The following MKRN1 variants were observed in gnomAD, a reference collection of about 807,000 sequenced individuals.
MKRN1 encodes makorin ring finger protein 1.
A neutral mutation model predicts 55.5 loss-of-function variants in MKRN1; 9 were observed. The observed-to-expected ratio is 0.16, with a 90% CI of 0.10 to 0.28. The LOEUF is 0.28. MKRN1 is among the 10% of genes least tolerant of loss of function. The pLI is 1.00. For synonymous variants in MKRN1, 253 were observed against 235.9 expected (o/e 1.07, Z -0.66); for missense variants, 488 against 626.7 (o/e 0.78, Z 2.36).
intron 4 of MKRN1, 195 bp from the exon 5 acceptor site, chr7:140,457,061 G>A (rs1794486550): frequency 1.6e-6 from 1 of 621,000 alleles, no homozygotes; most frequent in South Asian, 2.1e-5. Flanking sequence ...TGTTTTTGCG[G>A]TGGTACTTAA....
In MKRN1 at chr7:140,479,292, G is replaced by C. The variant is rs199946433; in HGVS notation, c.53C>G (p.Ala18Gly). 1.4e-3 allele frequency: 1,902 copies of C among 1,378,972 alleles called. 8 individuals carry two copies. Among genetic ancestry groups the C allele is most frequent in the East Asian group, 0.011 (365 of 32,718 alleles). 85.4% of individuals were successfully genotyped at this position (1,378,972 alleles called of 1,614,324 possible). A position where few individuals can be genotyped will look rare whatever the true frequency, so the allele number is the denominator to read the frequency against. ...GGCTGCTGCCGCCGTCGCCGCTGCC[G>C]CTCCTGCTCCTGATGTTGTGGCTGT... ...GTTATTSGAG[A>G]AAATAAAASP... The change falls in exon 1 of 8, where the codon GCG becomes GGG. Residue 18 changes from alanine (A) to glycine (G), a missense_variant. By Grantham distance (60) the Ala-to-Gly change is moderately conservative. This residue lies in a region of MKRN1 where 210 missense variants were observed against 220.0 expected (regional missense o/e 0.95). Coordinates refer to ENST00000255977, the MANE Select transcript of MKRN1 (RefSeq NM_013446.4).
chr7:140,462,372 A>C (rs1794647326), intron 2 of MKRN1, among the ~76,000 whole-genome samples: 1 of 152,196 alleles, frequency 6.6e-6, no homozygotes, highest in African/African-American at 2.4e-5. Flanking sequence ...AGTAAATTTA[A>C]CTGTGCTACA....
At chr7:140,465,426 TTGCACCAC>T (rs1465298659) in intron 2 of MKRN1, among the ~76,000 whole-genome samples, 1 of 151,574 alleles carries the variant, frequency 6.6e-6, no homozygotes, top group Admixed American at 6.6e-5. Flanking sequence ...GGTTGTGACA[TTGCACCAC>T]TGCACTCTAG....
In MKRN1 at chr7:140,453,363, A is replaced by AC. The variant is rs1341541194; in HGVS notation, c.*1153dup. The AC allele has an allele frequency of 5.2e-5, 8 of 152,584 alleles. No homozygotes were observed. The highest frequency in any genetic ancestry group is 8.8e-5 in the Non-Finnish European group (6 of 68,038). The allele number at this position is 152,584 out of a possible 1,614,324, so 9.5% of individuals were successfully genotyped here. On this transcript the variant is annotated 3_prime_UTR_variant, in exon 8 of 8. Coordinates refer to ENST00000255977, the MANE Select transcript of MKRN1 (RefSeq NM_013446.4). ...CTTATCACTGCAAACCCATTACTCC[A>AC]CTACAATAAACACCTTAGAACAGAG... is the stretch of plus-strand genomic sequence containing the variant.
At position 140,454,591 on chromosome 7, in the gene MKRN1, C is replaced by T. The variant is rs1350903351; in HGVS notation, c.1375G>A (p.Glu459Lys). Residue 459 changes from glutamate to lysine, a missense_variant, in exon 8 of 8, where the codon GAA (glutamate) becomes AAA (lysine). Transcript: ENST00000255977. Reference sequence around the variant, plus strand: ...CACTCATCTTCAGAGTCTGTTAGTTCGTCGTCCCCACCTGCAGCCAAAAGC... The same window carrying T: ...CACTCATCTTCAGAGTCTGTTAGTTTGTCGTCCCCACCTGCAGCCAAAAGC... ...LMLLAAGGDD[E>K]LTDSEDEWDL... 2 of 1,613,796 alleles carry T rather than the reference C, an allele frequency of 1.2e-6. No homozygotes were observed. Among genetic ancestry groups the T allele is most frequent in the African/African-American group, 1.3e-5 (1 of 75,046 alleles).
chr7:140,468,019 A>AAT (rs1439711408), intron 2 of MKRN1, among the ~76,000 whole-genome samples: 1 of 151,540 alleles, frequency 6.6e-6, no homozygotes, highest in Non-Finnish European at 1.5e-5. Context: ...AAAAAAAAAA[A>AAT]AATGCAGAGG....
intron 5 of MKRN1, chr7:140,456,353 A>G: frequency 7.9e-7 from 1 of 1,269,448 alleles, no homozygotes; most frequent in Non-Finnish European, 1.0e-6. Context: ...ATACATTCAG[A>G]GCTAGATCAG....
rs897918813 is a variant in MKRN1 at position 140,466,721 on chromosome 7, G to A, written c.314+5162C>T. 7.9e-5 allele frequency among the ~76,000 whole-genome samples: 12 copies of A among 151,080 alleles called. No individual in the cohort carries two copies. The East Asian group carries it at 9.8e-4, about 12-fold the overall frequency. ...CGGGAGGCTGAGGCAGGAGAATGGC[G>A]TGAACGTGGGAAGCGGAGCTTGCAG... On this transcript the variant is annotated intron_variant, in intron 2 of 7. Transcript: ENST00000255977.
intron 4 of MKRN1, 84 bp downstream of exon 4, chr7:140,458,923 T>C (rs1374903846): frequency 6.4e-6 from 9 of 1,403,704 alleles, no homozygotes; most frequent in Admixed American, 1.9e-5. Context: ...ATCAAATGTT[T>C]CTCTGAAATA....
chr7:140,459,202 C>T lies in MKRN1; in HGVS notation c.576G>A (p.Gln192=). Residue 192 remains glutamine (Q), a synonymous_variant, in exon 4 of 8, where the codon CAG becomes CAA. Coordinates refer to ENST00000255977, the MANE Select transcript of MKRN1 (RefSeq NM_013446.4). Reference sequence around the variant, plus strand: ...CTGATTCTTCCTTGGTCACTGAGCCCTGCAGGGGTGCTTCAGTGCAGGAAG... The same window carrying T: ...CTGATTCTTCCTTGGTCACTGAGCCTTGCAGGGGTGCTTCAGTGCAGGAAG... ...TAPSCTEAPL[Q]GSVTKEESEK... is the part of the protein sequence containing the mutation. 6.2e-7 allele frequency: 1 copy of T among 1,613,972 alleles called. No homozygotes were observed. Among genetic ancestry groups the T allele is most frequent in the South Asian group, 1.1e-5 (1 of 91,080 alleles).
chr7:140,471,878 C>T lies in MKRN1; in HGVS notation c.314+5G>A. On this transcript the variant is annotated splice_donor_5th_base_variant and intron_variant, in intron 2 of 7. Coordinates refer to ENST00000255977, the MANE Select transcript of MKRN1 (RefSeq NM_013446.4). ...CCCTGAACAAATTTATAAACAAATTCTTACCTGCAGCGGTCTCCATAAATA... is the reference window on the plus strand; with the variant it reads ...CCCTGAACAAATTTATAAACAAATTTTTACCTGCAGCGGTCTCCATAAATA... 8.1e-6 allele frequency: 13 copies of T among 1,611,450 alleles called. No homozygotes were observed. The highest frequency in any genetic ancestry group is 1.1e-5 in the Non-Finnish European group (13 of 1,179,266).
At chr7:140,475,425 C>G (rs1029180675) in intron 1 of MKRN1, 1 of 274,292 alleles carries the variant, frequency 3.6e-6, no homozygotes, top group Non-Finnish European at 7.4e-6. Context: ...TTTAGGAGGC[C>G]GAGGCGGGTG....
intron 7 of MKRN1, 139 bp downstream of exon 7, chr7:140,454,956 G>A: frequency 7.8e-7 from 1 of 1,277,650 alleles, no homozygotes. Context: ...AGTTTTCTGA[G>A]GTTTGTTTCC....
At chr7:140,463,621 C>A (rs991661094) in intron 2 of MKRN1, among the ~76,000 whole-genome samples, 3 of 152,064 alleles carry the variant, frequency 2.0e-5, no homozygotes, top group African/African-American at 7.2e-5. Context: ...CGCGGTGGCT[C>A]ACGCCTGTAA....
chr7:140,477,216 C>G (rs974950251), intron 1 of MKRN1, among the ~76,000 whole-genome samples: 2 of 151,966 alleles, frequency 1.3e-5, no homozygotes, highest in African/African-American at 4.8e-5. Context: ...ACACTAAAAC[C>G]CCAGACCTAT....
chr7:140,455,126 C>T lies in MKRN1; in HGVS notation c.1205G>A (p.Arg402Lys). The T allele has an allele frequency of 1.2e-6, 2 of 1,614,050 alleles. No individual in the cohort carries two copies. Residue 402 changes from arginine (R) to lysine (K), a missense_variant, in exon 7 of 8, where the codon AGA becomes AAA. Arg to Lys is a conservative substitution (Grantham distance 26). Around this residue, in one of 2 missense-constraint regions of MKRN1, gnomAD observed 278 missense variants for 406.7 expected, o/e 0.68. Transcript: ENST00000255977. ...TCTGCTTGATGTTCCCACTTTCTGT[C>T]TCTGTGGCTCCTCTCTACGGCCATC... is the stretch of plus-strand genomic sequence containing the variant. ...YPDGRREEPQRQKVGTSSRYR... is the reference protein window; with the variant it reads ...YPDGRREEPQKQKVGTSSRYR...
At chr7:140,463,953 T>C (rs1309733498) in intron 2 of MKRN1, among the ~76,000 whole-genome samples, 3 of 152,202 alleles carry the variant, frequency 2.0e-5, no homozygotes, top group Non-Finnish European at 2.9e-5. Flanking sequence ...GTTTTGTTTT[T>C]TGAGACAGTC....
At chr7:140,471,739 G>C (rs1364430888) in intron 2 of MKRN1, 144 bp downstream of exon 2, 2 of 1,166,208 alleles carry the variant, frequency 1.7e-6, no homozygotes, top group African/African-American at 1.6e-5. Context: ...CAAAGTGCTG[G>C]GATTATAGGC....
At position 140,454,720 on chromosome 7, in the gene MKRN1, T is replaced by C. The variant is rs757843027; in HGVS notation, c.1246A>G (p.Arg416Gly). The change falls in exon 8 of 8, where the codon AGG becomes GGG. Residue 416 changes from arginine to glycine, a missense_variant. Around this residue, in one of 2 missense-constraint regions of MKRN1, gnomAD observed 278 missense variants for 406.7 expected, o/e 0.68. Coordinates refer to ENST00000255977, the MANE Select transcript of MKRN1 (RefSeq NM_013446.4). ...GTSSRYRAQR[R>G]NHFWELIEER... ...TCAATGAGTTCCCAGAAGTGGTTCC[T>C]TCGTTGGGCCTGTAAAAAACAAGGC... is the stretch of plus-strand genomic sequence containing the variant. 14 of 1,613,838 alleles carry C rather than the reference T, an allele frequency of 8.7e-6. No homozygotes were observed. The South Asian group carries it at 1.4e-4, about 16-fold the overall frequency.
Sources: gnomAD v4.1 joint callset for allele counts (sites outside exome capture counted in the v4.1 genomes callset) on GRCh38, gnomAD v4.1.1 for gene constraint, gnomAD v4.1.1 regional missense constraint, MANE v1.5 for transcripts, NCBI Gene and HGNC (gene_info 2026-07-23, HGNC 2026-07-21) for gene names.